The following KCNH5 variants were observed in gnomAD, a reference collection of about 807,000 sequenced individuals.
KCNH5 encodes the protein potassium voltage-gated channel subfamily H member 5, also known as voltage-gated delayed rectifier potassium channel KCNH5.
KCNH5 carries 46 observed loss-of-function variants against 96.1 expected under a neutral mutation model. That is an observed-to-expected ratio of 0.48 (90% CI 0.38 to 0.61). The LOEUF (loss-of-function observed/expected upper bound fraction) is 0.61. KCNH5 is among the 20% of genes least tolerant of loss of function. KCNH5 has a pLI of 0.00. For synonymous variants in KCNH5, 439 were observed against 449.8 expected, an observed-to-expected ratio of 0.98 and a Z score of 0.30; for missense variants, 907 against 1,225.8, an observed-to-expected ratio of 0.74 and a Z score of 3.88.
intron 6 of KCNH5, among the ~76,000 whole-genome samples, chr14:62,960,488 C>T (rs1011506717): frequency 1.3e-5 from 2 of 152,088 alleles, no homozygotes; most frequent in Admixed American, 6.6e-5. Flanking sequence ...AGCACTGATA[C>T]CATAATCAAT....
Position 62,706,831 on chromosome 14 carries a change from A to G in KCNH5, c.*677T>C, listed in dbSNP as rs1208453149. ...AAGGAGGGAGTAGGGATTTCCTTAC[A>G]TAAGAGCTAATGATTACTATCTAAG... On this transcript the variant is annotated 3_prime_UTR_variant, in exon 11 of 11. Transcript: ENST00000322893. 1 of 152,198 alleles carries G rather than the reference A, an allele frequency of 6.6e-6. No individual in the cohort carries two copies. Among genetic ancestry groups the G allele is most frequent in the Non-Finnish European group, 1.5e-5 (1 of 68,016 alleles). 9.4% of individuals were successfully genotyped at this position (152,198 alleles called of 1,614,324 possible). A position where few individuals can be genotyped will look rare whatever the true frequency, so the allele number is the denominator to read the frequency against.
intron 8 of KCNH5, 128 bp downstream of exon 8, chr14:62,849,521 CTGAT>C: frequency 2.9e-6 from 2 of 686,064 alleles, no homozygotes; most frequent in Non-Finnish European, 5.0e-6. Context: ...GACTGATTGA[CTGAT>C]ATGTCACTTA....
intron 1 of KCNH5, among the ~76,000 whole-genome samples, chr14:63,042,978 T>TA (rs1368398779): frequency 1.3e-5 from 2 of 152,138 alleles, no homozygotes; most frequent in Non-Finnish European, 2.9e-5. Context: ...CCAAAACAGA[T>TA]AAATTTTCAT....
chr14:62,877,771 G>A (rs1439308838), intron 7 of KCNH5, among the ~76,000 whole-genome samples: 1 of 151,846 alleles, frequency 6.6e-6, no homozygotes, highest in African/African-American at 2.4e-5. Context: ...TTCAACCATT[G>A]TGGAAGTCAG....
intron 10 of KCNH5, among the ~76,000 whole-genome samples, chr14:62,758,652 A>C (rs1338516387): frequency 2.6e-5 from 4 of 152,188 alleles, no homozygotes; most frequent in Admixed American, 1.3e-4. Flanking sequence ...TAGAAAGAGC[A>C]GCTGGATATA....
intron 10 of KCNH5, among the ~76,000 whole-genome samples, chr14:62,719,559 AAAG>A (rs1884761324): frequency 2.0e-5 from 3 of 152,384 alleles, no homozygotes; most frequent in African/African-American, 7.2e-5. Flanking sequence ...CCACACGGCG[AAAG>A]AAGATTTGTA....
At chr14:62,812,470 A>T (rs1886891930) in intron 8 of KCNH5, among the ~76,000 whole-genome samples, 1 of 152,192 alleles carries the variant, frequency 6.6e-6, no homozygotes, top group African/African-American at 2.4e-5. Context: ...TATTGTATAC[A>T]TGAAAAGGAC....
intron 9 of KCNH5, among the ~76,000 whole-genome samples, chr14:62,791,367 A>G (rs1566661684): frequency 2.6e-5 from 4 of 151,650 alleles, no homozygotes; most frequent in Non-Finnish European, 4.4e-5. Flanking sequence ...GAAGGAAAAA[A>G]AAGGACCTAC....
chr14:62,848,689 C>T (rs529041393), intron 8 of KCNH5, among the ~76,000 whole-genome samples: 32 of 152,196 alleles, frequency 2.1e-4, no homozygotes, highest in African/African-American at 7.7e-4. Flanking sequence ...TGCTCATTTG[C>T]TTTTTCCCTT....
At chr14:62,833,603 G>T (rs1454930261) in intron 8 of KCNH5, among the ~76,000 whole-genome samples, 1 of 151,758 alleles carries the variant, frequency 6.6e-6, no homozygotes, top group Non-Finnish European at 1.5e-5. Context: ...AGATTGCTTT[G>T]GTTATTTGGA....
At chr14:62,787,150 T>C (rs909805263) in intron 9 of KCNH5, among the ~76,000 whole-genome samples, 9 of 152,172 alleles carry the variant, frequency 5.9e-5, no homozygotes, top group Non-Finnish European at 1.3e-4. Flanking sequence ...CTAGCCAAGT[T>C]GTGAATGCAC....
intron 8 of KCNH5, among the ~76,000 whole-genome samples, chr14:62,803,595 G>A (rs1184443509): frequency 3.3e-5 from 5 of 152,120 alleles, no homozygotes; most frequent in East Asian, 1.9e-4. Context: ...CAGAATTCAC[G>A]CTGTAGGCAT....
At chr14:62,851,512 A>G (rs1188948617) in intron 7 of KCNH5, among the ~76,000 whole-genome samples, 1 of 140,176 alleles carries the variant, frequency 7.1e-6, no homozygotes, top group Non-Finnish European at 1.6e-5. Context: ...AAAAAAAAAA[A>G]AAACCTAAAG....
chr14:62,792,916 T>C (rs543275871), intron 9 of KCNH5, among the ~76,000 whole-genome samples: 26 of 151,858 alleles, frequency 1.7e-4, no homozygotes, highest in Admixed American at 1.2e-3. Context: ...AGCAGATGAA[T>C]TGATAAAGAA....
At chr14:62,736,096 T>C (rs1885150022) in intron 10 of KCNH5, among the ~76,000 whole-genome samples, 1 of 152,174 alleles carries the variant, frequency 6.6e-6, no homozygotes, top group African/African-American at 2.4e-5. Flanking sequence ...TGGTGCTTTG[T>C]TATGGCAGCC....
chr14:63,014,541 A>T (rs1472873731), intron 2 of KCNH5, among the ~76,000 whole-genome samples: 2 of 152,174 alleles, frequency 1.3e-5, no homozygotes, highest in Non-Finnish European at 2.9e-5. Flanking sequence ...TGCCAAAGAA[A>T]ATAGGCCAGG....
chr14:62,883,435 A>G (rs1888532311), intron 7 of KCNH5, among the ~76,000 whole-genome samples: 1 of 152,194 alleles, frequency 6.6e-6, no homozygotes, highest in Non-Finnish European at 1.5e-5. Flanking sequence ...GCTCAGGACA[A>G]GGGTAACTCT....
intron 8 of KCNH5, among the ~76,000 whole-genome samples, chr14:62,824,294 C>T (rs1043043337): frequency 6.6e-6 from 1 of 151,756 alleles, no homozygotes; most frequent in Non-Finnish European, 1.5e-5. Context: ...AATACTTTTC[C>T]CCTAAAGGCG....
chr14:62,947,638 T>C (rs1404633880), intron 7 of KCNH5, among the ~76,000 whole-genome samples: 1 of 152,050 alleles, frequency 6.6e-6, no homozygotes, highest in Non-Finnish European at 1.5e-5. Flanking sequence ...GCAAACGCCC[T>C]TGGAGTCCCA....
Sources: allele counts gnomAD v4.1 joint callset (sites outside exome capture counted in the v4.1 genomes callset), GRCh38; gene constraint gnomAD v4.1.1; transcripts MANE v1.5; gene names NCBI Gene and HGNC (gene_info 2026-07-23, HGNC 2026-07-21).